Variants in PTPRR observed in about 807,000 individuals in gnomAD.
The protein encoded by PTPRR is protein tyrosine phosphatase receptor type R.
Under a neutral mutation model 77.2 loss-of-function variants are expected in PTPRR, and 38 were observed. The ratio of observed to expected loss-of-function variants is 0.49; its 90% CI spans 0.38 to 0.65. The LOEUF (loss-of-function observed/expected upper bound fraction) is 0.65. PTPRR is among the 30% of genes least tolerant of loss of function. The pLI, the probability that PTPRR is intolerant of heterozygous loss-of-function variation, is 0.00. For missense variants in PTPRR, 744 were observed against 799.2 expected, an observed-to-expected ratio of 0.93 and a Z score of 0.83; for synonymous variants, 299 against 283.1, an observed-to-expected ratio of 1.06 and a Z score of -0.57.
intron 2 of PTPRR, among the ~76,000 whole-genome samples, chr12:70,846,708 T>C (rs1012700535): frequency 6.6e-6 from 1 of 152,136 alleles, no homozygotes; most frequent in South Asian, 2.1e-4. Context: ...GCACCACTTA[T>C]GAACCAGAGA....
intron 2 of PTPRR, among the ~76,000 whole-genome samples, chr12:70,839,682 G>T (rs1892363418): frequency 6.6e-6 from 1 of 152,146 alleles, no homozygotes; most frequent in Non-Finnish European, 1.5e-5. Context: ...TACCAACTTT[G>T]TGATAAATCC....
Position 70,672,878 on chromosome 12 carries a change from C to T in PTPRR, c.1498-10273G>A. The T allele has an allele frequency of 1.3e-6, 2 of 1,557,886 alleles. 1 individual carries two copies. Among genetic ancestry groups the T allele is most frequent in the South Asian group, 2.2e-5 (2 of 90,114 alleles). On this transcript the variant is annotated intron_variant, in intron 10 of 13. Transcript: ENST00000283228. Reference sequence around the variant, plus strand: ...GTGGTGTGATGGCTCCTGCACAGGCCCTGGTCATAGGATGGGGGCATCTGC... The same window carrying T: ...GTGGTGTGATGGCTCCTGCACAGGCTCTGGTCATAGGATGGGGGCATCTGC...
At position 70,847,951 on chromosome 12, in the gene PTPRR, C is replaced by T. The variant is rs918248708; in HGVS notation, c.357+44728G>A. ...AGTGAAAATAACTTGTAGTCAGTTG[C>T]TTTCGGGGTATCCCCTTCATCTTTT... On this transcript the variant is annotated intron_variant, in intron 2 of 13. Coordinates refer to ENST00000283228, the MANE Select transcript of PTPRR (RefSeq NM_002849.4). 3.9e-5 allele frequency among the ~76,000 whole-genome samples: 6 copies of T among 152,272 alleles called. 1 individual carries two copies. In the East Asian group the frequency reaches 9.6e-4, roughly 24 times the overall value.
At chr12:70,803,251 A>AATTTCATTT (rs1007068011) in intron 2 of PTPRR, among the ~76,000 whole-genome samples, 1 of 152,158 alleles carries the variant, frequency 6.6e-6, no homozygotes, top group African/African-American at 2.4e-5. Flanking sequence ...ATTTTTACAG[A>AATTTCATTT]ATTTCATTTC....
At chr12:70,833,581 A>G (rs1892252378) in intron 2 of PTPRR, among the ~76,000 whole-genome samples, 1 of 152,186 alleles carries the variant, frequency 6.6e-6, no homozygotes, top group African/African-American at 2.4e-5. Flanking sequence ...GAGATTAATG[A>G]AGACATAGTA....
chr12:70,855,247 A>T (rs745977224), intron 2 of PTPRR, among the ~76,000 whole-genome samples: 3 of 152,206 alleles, frequency 2.0e-5, no homozygotes, highest in African/African-American at 2.4e-5. Flanking sequence ...TGGATGTTTT[A>T]CATCCAAGAA....
At chr12:70,850,413 G>T (rs1456998751) in intron 2 of PTPRR, among the ~76,000 whole-genome samples, 1 of 151,928 alleles carries the variant, frequency 6.6e-6, no homozygotes, top group Non-Finnish European at 1.5e-5. Flanking sequence ...GATCAATAGG[G>T]CAGCAATTTA....
chr12:70,746,155 C>T (rs1890209413), intron 5 of PTPRR, 69 bp from the exon 6 acceptor site: 1 of 1,440,270 alleles, frequency 6.9e-7, no homozygotes, highest in Non-Finnish European at 9.4e-7. Context: ...ATCTCCTCCA[C>T]CCCACCCTGG....
At chr12:70,708,480 C>T (rs1888699040) in intron 6 of PTPRR, among the ~76,000 whole-genome samples, 3 of 151,942 alleles carry the variant, frequency 2.0e-5, no homozygotes, top group African/African-American at 7.3e-5. Flanking sequence ...CATTAACATC[C>T]TAAAGTTACA....
At chr12:70,709,927 T>C (rs1888763181) in intron 6 of PTPRR, among the ~76,000 whole-genome samples, 2 of 152,172 alleles carry the variant, frequency 1.3e-5, no homozygotes, top group African/African-American at 4.8e-5. Context: ...AAATGATTTA[T>C]AGATTCAATG....
chr12:70,707,717 C>CA (rs58874455), intron 6 of PTPRR, among the ~76,000 whole-genome samples: 1,539 of 152,164 alleles, frequency 0.01, 21 homozygotes, highest in African/African-American at 0.034. Context: ...GTGGAAGAGG[C>CA]ATGAAGACAG....
At chr12:70,717,795 G>A (rs965846248) in intron 6 of PTPRR, among the ~76,000 whole-genome samples, 1 of 152,082 alleles carries the variant, frequency 6.6e-6, no homozygotes, top group Non-Finnish European at 1.5e-5. Context: ...GTGTGAAAAG[G>A]AAAATAAGAA....
intron 4 of PTPRR, chr12:70,754,527 T>C (rs1349120675): frequency 1.9e-6 from 3 of 1,583,982 alleles, no homozygotes; most frequent in Non-Finnish European, 1.7e-6. Flanking sequence ...GTGCCTGACA[T>C]GGCATCTGCA....
At chr12:70,811,377 G>C (rs758395570) in intron 2 of PTPRR, among the ~76,000 whole-genome samples, 1 of 152,204 alleles carries the variant, frequency 6.6e-6, no homozygotes, top group Non-Finnish European at 1.5e-5. Flanking sequence ...CATGATATTT[G>C]TAGTCTGGCT....
At chr12:70,702,914 A>G (rs1888483432) in intron 6 of PTPRR, among the ~76,000 whole-genome samples, 1 of 152,126 alleles carries the variant, frequency 6.6e-6, no homozygotes, top group African/African-American at 2.4e-5. Context: ...GCTGGCATCT[A>G]GTTTGATTAT....
chr12:70,850,995 A>G (rs1430531061), intron 2 of PTPRR, among the ~76,000 whole-genome samples: 4 of 152,182 alleles, frequency 2.6e-5, no homozygotes, highest in East Asian at 1.9e-4. Context: ...GATTTCATAA[A>G]TAAGCCAACA....
intron 2 of PTPRR, among the ~76,000 whole-genome samples, chr12:70,806,267 A>G (rs951503551): frequency 9.9e-5 from 15 of 150,986 alleles, no homozygotes; most frequent in Non-Finnish European, 1.9e-4. Flanking sequence ...GACAGACTCT[A>G]GAGAGAGAGA....
chr12:70,767,639 T>A (rs1028030999), intron 2 of PTPRR, among the ~76,000 whole-genome samples: 2 of 152,130 alleles, frequency 1.3e-5, no homozygotes, highest in African/African-American at 4.8e-5. Context: ...ACCCAGGAAT[T>A]GAATTCAGCT....
At chr12:70,689,588 T>A (rs1165381196) in intron 8 of PTPRR, among the ~76,000 whole-genome samples, 3 of 152,164 alleles carry the variant, frequency 2.0e-5, no homozygotes, top group African/African-American at 7.2e-5. Context: ...CCGTCAATCC[T>A]ATTGATCAAA....
Sources: allele counts gnomAD v4.1 joint callset (sites outside exome capture counted in the v4.1 genomes callset), GRCh38; gene constraint gnomAD v4.1.1; transcripts MANE v1.5; gene names NCBI Gene and HGNC (gene_info 2026-07-23, HGNC 2026-07-21).